FGF14: variants seen among roughly 807,000 people sequenced by gnomAD.
FGF14 encodes the protein fibroblast growth factor 14.
FGF14 carries 5 observed loss-of-function variants against 25.5 expected under a neutral mutation model. That is an observed-to-expected ratio of 0.20 (90% CI 0.10 to 0.41). FGF14 has a LOEUF of 0.41. FGF14 is among the 10% of genes least tolerant of loss of function. The probability of loss-of-function intolerance (pLI) is 1.00; values close to 1 mark genes in which losing one functional copy is unlikely to be tolerated. For missense variants in FGF14, 222 were observed against 320.1 expected, an observed-to-expected ratio of 0.69 and a Z score of 2.34; for synonymous variants, 138 against 118.3, an observed-to-expected ratio of 1.17 and a Z score of -1.08.
At chr13:102,398,594 G>A (rs556419947) in intron 1 of FGF14, among the ~76,000 whole-genome samples, 94 of 152,138 alleles carry the variant, frequency 6.2e-4, no homozygotes, top group African/African-American at 2.2e-3. Context: ...TAACATAATA[G>A]GTAGTAGTCA....
chr13:101,998,398 GATC>G (rs1416822201), intron 1 of FGF14, among the ~76,000 whole-genome samples: 1 of 151,978 alleles, frequency 6.6e-6, no homozygotes, highest in African/African-American at 2.4e-5. Context: ...TAAATAGAAG[GATC>G]ATGTTATTTG....
In FGF14 at chr13:102,039,843, CTCAG is replaced by C. The variant is rs1388103999; in HGVS notation, c.209-164551_209-164548del. ...GGGTTTTAATCCTTTGGGTGGCTTC[CTCAG>C]TCAGAGAAATCCATCCTCTGTGTAA... On this transcript the variant is annotated intron_variant, in intron 1 of 4. Transcript: ENST00000376131. Among the ~76,000 whole-genome samples the C allele has an allele frequency of 8.5e-5, 13 of 152,174 alleles. No individual in the cohort carries two copies. The East Asian group carries it at 2.5e-3, about 29-fold the overall frequency.
chr13:101,865,410 T>A (rs1175314682), intron 3 of FGF14, among the ~76,000 whole-genome samples: 1 of 152,166 alleles, frequency 6.6e-6, no homozygotes, highest in East Asian at 1.9e-4. Flanking sequence ...TGACAGTTTC[T>A]ATTCTGCGTC....
In FGF14 at chr13:102,069,591, G is replaced by A. The variant is rs1018513616; in HGVS notation, c.209-194295C>T. On this transcript the variant is annotated intron_variant, in intron 1 of 4. Coordinates refer to the FGF14 transcript ENST00000376131. ...AGCCCAGCGAGACCACAAGCCCACC[G>A]GGAGGAACGAACAACTCCAGATGCT... 1.1e-4 allele frequency among the ~76,000 whole-genome samples: 16 copies of A among 151,796 alleles called. No individual in the cohort carries two copies. The South Asian group carries it at 1.3e-3, about 12-fold the overall frequency.
At chr13:101,804,048 A>G (rs1337292373) in intron 3 of FGF14, among the ~76,000 whole-genome samples, 2 of 146,308 alleles carry the variant, frequency 1.4e-5, no homozygotes, top group African/African-American at 2.5e-5. Flanking sequence ...GATTACTTAG[A>G]AAAAAAAAAA....
At chr13:101,984,648 A>C (rs935616870) in intron 1 of FGF14, among the ~76,000 whole-genome samples, 1 of 151,968 alleles carries the variant, frequency 6.6e-6, no homozygotes, top group African/African-American at 2.4e-5. Flanking sequence ...ACAACTATCA[A>C]TTTCCATAAA....
intron 1 of FGF14, among the ~76,000 whole-genome samples, chr13:102,006,727 CTTTTTTTTTTT>C (rs774872814): frequency 9.7e-5 from 6 of 61,948 alleles, no homozygotes; most frequent in East Asian, 5.3e-4. Flanking sequence ...AATCTTACTT[CTTTTTTTTTTT>C]TTTTTTTTTT....
chr13:102,196,840 T>TC (rs1177135346), intron 1 of FGF14, among the ~76,000 whole-genome samples: 2 of 152,164 alleles, frequency 1.3e-5, no homozygotes, highest in African/African-American at 4.8e-5. Flanking sequence ...CCCCTTTCCA[T>TC]CCATCCCCCT....
chr13:102,382,023 G>A (rs1468189090), intron 1 of FGF14, among the ~76,000 whole-genome samples: 1 of 152,070 alleles, frequency 6.6e-6, no homozygotes, highest in African/African-American at 2.4e-5. Context: ...CTATATAAGG[G>A]CTAAAACTCT....
rs368108998 is a variant in FGF14 at position 102,313,236 on chromosome 13, C to A, written c.208+88235G>T. Among the ~76,000 whole-genome samples, 253 of 152,304 alleles carry A rather than the reference C, an allele frequency of 1.7e-3. 2 individuals carry two copies. Among genetic ancestry groups the A allele is most frequent in the African/African-American group, 5.6e-3 (233 of 41,560 alleles). On this transcript the variant is annotated intron_variant, in intron 1 of 4. Coordinates refer to the FGF14 transcript ENST00000376131. The stretch of plus-strand genomic sequence containing the variant: ...GCTCCTGGAAGGCACCAGGCAATGT[C>A]AAACCCAATCCTGAGCCTGGAAGCA...
At chr13:102,233,706 T>C (rs2051191420) in intron 1 of FGF14, among the ~76,000 whole-genome samples, 1 of 152,210 alleles carries the variant, frequency 6.6e-6, no homozygotes, top group African/African-American at 2.4e-5. Flanking sequence ...GACATCATAC[T>C]GCCTATATAA....
chr13:101,829,084 C>A (rs1594400886), intron 3 of FGF14, among the ~76,000 whole-genome samples: 1 of 151,988 alleles, frequency 6.6e-6, no homozygotes, highest in African/African-American at 2.4e-5. Flanking sequence ...GGAGATAGAT[C>A]TAATTGCAGG....
intron 3 of FGF14, among the ~76,000 whole-genome samples, chr13:101,753,298 GACACACACAC>G (rs3064705): frequency 9.9e-4 from 145 of 145,898 alleles, no homozygotes; most frequent in African/African-American, 3.5e-3. Flanking sequence ...CACACAGACA[GACACACACAC>G]ACACACACAC....
chr13:101,774,262 T>G (rs1401199067), intron 3 of FGF14, among the ~76,000 whole-genome samples: 5 of 152,150 alleles, frequency 3.3e-5, no homozygotes, highest in Admixed American at 6.6e-5. Flanking sequence ...GAGGAGCAGA[T>G]GGTGACCACT....
intron 1 of FGF14, among the ~76,000 whole-genome samples, chr13:102,053,922 A>G (rs896069206): frequency 1.2e-4 from 18 of 152,146 alleles, no homozygotes; most frequent in African/African-American, 4.1e-4. Context: ...CACATTTAAC[A>G]CAGTTCCTGG....
At chr13:101,997,759 G>A (rs1358541891) in intron 1 of FGF14, among the ~76,000 whole-genome samples, 1 of 152,180 alleles carries the variant, frequency 6.6e-6, no homozygotes, top group Non-Finnish European at 1.5e-5. Context: ...GCAGTATTTT[G>A]GTGGCAAAAT....
At chr13:102,296,366 T>C (rs1341949326) in intron 1 of FGF14, among the ~76,000 whole-genome samples, 1 of 152,134 alleles carries the variant, frequency 6.6e-6, no homozygotes, top group Admixed American at 6.6e-5. Flanking sequence ...GTTTGCAGCT[T>C]GGTGCACAAA....
At chr13:102,286,153 G>A (rs1360689805) in intron 1 of FGF14, among the ~76,000 whole-genome samples, 4 of 152,130 alleles carry the variant, frequency 2.6e-5, no homozygotes, top group Non-Finnish European at 5.9e-5. Context: ...AGGGGCCAGC[G>A]TTCCTAAGCA....
intron 1 of FGF14, among the ~76,000 whole-genome samples, chr13:102,097,057 T>C (rs1178761847): frequency 6.6e-6 from 1 of 150,472 alleles, no homozygotes; most frequent in Non-Finnish European, 1.5e-5. Context: ...CACTGTAGTG[T>C]GGGGTCATAA....
Sources: gnomAD v4.1 joint callset for allele counts (sites outside exome capture counted in the v4.1 genomes callset) on GRCh38, gnomAD v4.1.1 for gene constraint, MANE v1.5 for transcripts, NCBI Gene and HGNC (gene_info 2026-07-23, HGNC 2026-07-21) for gene names.